The following CELF2 variants were observed in gnomAD, a reference collection of about 807,000 sequenced individuals.
CELF2 encodes the protein CUG triplet repeat RNA-binding protein 2.
In CELF2, 8 loss-of-function variants were observed where a neutral mutation model predicts 62.6. The observed-to-expected ratio is 0.13, with a 90% CI of 0.07 to 0.23. CELF2 has a LOEUF of 0.23. Among genes scored for constraint, CELF2 ranks in the 10% least tolerant of loss-of-function variants. CELF2 has a pLI of 1.00. For missense variants in CELF2, 333 were observed against 671.0 expected, an observed-to-expected ratio of 0.50 and a Z score of 5.56; for synonymous variants, 258 against 250.0, an observed-to-expected ratio of 1.03 and a Z score of -0.30.
the CELF2 span, among the ~76,000 whole-genome samples, chr10:10,698,701 A>G: frequency 6.6e-6 from 1 of 152,214 alleles, no homozygotes; most frequent in Non-Finnish European, 1.5e-5. Flanking sequence ...GTCAGCAATG[A>G]AAGACTTCTC....
chr10:10,588,667 A>G, the CELF2 span, among the ~76,000 whole-genome samples: 1 of 152,244 alleles, frequency 6.6e-6, no homozygotes, highest in Non-Finnish European at 1.5e-5. Context: ...TTCAAATGGC[A>G]TTAAAGAAGT....
At chr10:10,695,873 C>G in the CELF2 span, among the ~76,000 whole-genome samples, 2 of 151,710 alleles carry the variant, frequency 1.3e-5, no homozygotes, top group African/African-American at 2.4e-5. Flanking sequence ...CCTTTAAGCA[C>G]TTCTCTGTAT....
In CELF2 at chr10:11,285,763, A is replaced by C. The variant is rs750960311; in HGVS notation, c.842-2655A>C. On this transcript the variant is annotated intron_variant, in intron 8 of 12. Coordinates refer to ENST00000633077, the MANE Select transcript of CELF2 (RefSeq NM_001326342.2). This position sits in a 1 kb window ranked among gnomAD's most constrained non-coding sequence, Gnocchi z 4.3. ...TTCAGAGCAATTTATGTAAATGTCA[A>C]ACTTGTCTGTTACCCTGTTTGTTTG... 6.6e-6 allele frequency among the ~76,000 whole-genome samples: 1 copy of C among 151,956 alleles called. No homozygotes were observed. The highest frequency in any genetic ancestry group is 2.1e-4 in the South Asian group (1 of 4,820).
chr10:10,576,720 C>A, the CELF2 span, among the ~76,000 whole-genome samples: 1 of 152,208 alleles, frequency 6.6e-6, no homozygotes, highest in Non-Finnish European at 1.5e-5. Context: ...CTGCCTCCCC[C>A]AATTCTATCC....
At position 11,334,138 on chromosome 10, in the gene CELF2, T is replaced by C. The variant is rs550717615; in HGVS notation, c.*5085T>C. 3.9e-5 allele frequency: 6 copies of C among 152,666 alleles called. No homozygotes were observed. The highest frequency in any genetic ancestry group is 8.8e-5 in the Non-Finnish European group (6 of 68,036). The allele number at this position is 152,666 out of a possible 1,614,324, so 9.5% of individuals were successfully genotyped here. On this transcript the variant is annotated 3_prime_UTR_variant, in exon 13 of 13. Transcript: ENST00000633077. ...ATTGTGCAGTTACACAATAAGGTAA[T>C]TAGATTTAGAAGTACTCAGTCACTT...
chr10:11,003,303 T>A (rs2137045781), upstream of CELF2, among the ~76,000 whole-genome samples: 1 of 152,352 alleles, frequency 6.6e-6, no homozygotes, highest in South Asian at 2.1e-4. This position sits in a 1 kb window ranked among gnomAD's most constrained non-coding sequence, Gnocchi z 4.4. Context: ...CCCCATATAC[T>A]ACAACATGGG....
the CELF2 span, among the ~76,000 whole-genome samples, chr10:10,767,974 C>A: frequency 5.4e-5 from 5 of 92,496 alleles, no homozygotes; most frequent in Non-Finnish European, 9.5e-5. Context: ...CCAGCCTGGG[C>A]GACAGAGCGA....
chr10:11,053,612 CTTTTTTTTTTT>C (rs35886208), intron 1 of CELF2, among the ~76,000 whole-genome samples: 2 of 122,432 alleles, frequency 1.6e-5, no homozygotes, highest in African/African-American at 6.0e-5. Flanking sequence ...TCTGATATTT[CTTTTTTTTTTT>C]TTTTTTTTTG....
intron 2 of CELF2, among the ~76,000 whole-genome samples, chr10:10,949,340 G>A (rs1222989221): frequency 6.6e-6 from 1 of 152,050 alleles, no homozygotes; most frequent in Non-Finnish European, 1.5e-5. Context: ...AGCTTCCAGT[G>A]GGGCTGTGCC....
intron 8 of CELF2, among the ~76,000 whole-genome samples, chr10:11,283,149 C>A (rs1222901158): frequency 1.3e-5 from 2 of 152,208 alleles, no homozygotes; most frequent in Non-Finnish European, 1.5e-5. Context: ...AGGAGAGGGA[C>A]AGGCTGGAAG....
At chr10:11,077,173 C>G (rs936736367) in intron 1 of CELF2, among the ~76,000 whole-genome samples, 1 of 152,170 alleles carries the variant, frequency 6.6e-6, no homozygotes, top group Non-Finnish European at 1.5e-5. Flanking sequence ...CGAGGGTTAT[C>G]ATTATAAATA....
rs781401147 is a variant in CELF2 at position 11,305,747 on chromosome 10, C to A, written c.977-8392C>A. ...CTAGCACAGCTCTAAGGAGAAGGAA[C>A]CCATCCCGTCCCCTCAGTTGGGATT... On this transcript the variant is annotated intron_variant, in intron 9 of 12. Coordinates refer to ENST00000633077, the MANE Select transcript of CELF2 (RefSeq NM_001326342.2). The surrounding 1 kb of genome is among the most constrained non-coding windows in gnomAD (Gnocchi z 4.8). Among the ~76,000 whole-genome samples the A allele has an allele frequency of 6.6e-6, 1 of 152,232 alleles. No homozygotes were observed. The highest frequency in any genetic ancestry group is 1.9e-4 in the East Asian group (1 of 5,198).
At chr10:10,845,324 A>C (rs1334283391) in intron 1 of CELF2, among the ~76,000 whole-genome samples, 2 of 141,680 alleles carry the variant, frequency 1.4e-5, no homozygotes, top group East Asian at 4.2e-4. Context: ...CCTTCAGTTC[A>C]TTGCTCCAAA....
At chr10:10,601,296 C>T in the CELF2 span, among the ~76,000 whole-genome samples, 25 of 152,256 alleles carry the variant, frequency 1.6e-4, no homozygotes, top group African/African-American at 5.8e-4. Flanking sequence ...CACTTAAAGT[C>T]ATTGTTGCAG....
intron 1 of CELF2, among the ~76,000 whole-genome samples, chr10:10,885,680 C>T (rs140743262): frequency 6.6e-6 from 1 of 152,184 alleles, no homozygotes; most frequent in Non-Finnish European, 1.5e-5. Flanking sequence ...CAATGTAAAT[C>T]TATTATCTTA....
At chr10:10,522,207 T>G in the CELF2 span, among the ~76,000 whole-genome samples, 1 of 152,344 alleles carries the variant, frequency 6.6e-6, no homozygotes, top group East Asian at 1.9e-4. Flanking sequence ...CTTCGAAGTA[T>G]TCTATGGAGT....
intron 2 of CELF2, among the ~76,000 whole-genome samples, chr10:11,216,696 G>A (rs974279720): frequency 4.6e-5 from 7 of 152,192 alleles, no homozygotes; most frequent in Admixed American, 1.3e-4. Context: ...GCTGGCCTGC[G>A]CGGAAGGGCC....
intron 9 of CELF2, among the ~76,000 whole-genome samples, chr10:11,294,360 T>G (rs1438200632): frequency 1.3e-5 from 2 of 152,148 alleles, no homozygotes; most frequent in African/African-American, 4.8e-5. Context: ...CATTTTGCTT[T>G]TTAGAGTATT....
Position 10,851,566 on chromosome 10 carries a change from C to T in CELF2, c.53+52749C>T, listed in dbSNP as rs1044574306. Among the ~76,000 whole-genome samples, 7 of 152,066 alleles carry T rather than the reference C, an allele frequency of 4.6e-5. No individual in the cohort carries two copies. In the East Asian group the frequency reaches 9.6e-4, roughly 21 times the overall value. ...TTAGATATGAAGCTAATACTGTGAT[C>T]CAAAAGTTGATAAATTGGACCTCAT... On this transcript the variant is annotated intron_variant, in intron 1 of 13. Transcript: ENST00000636488.
Sources: gnomAD v4.1 joint callset for allele counts (sites outside exome capture counted in the v4.1 genomes callset) on GRCh38, gnomAD v4.1.1 for gene constraint, Gnocchi (gnomAD v3.1) non-coding constraint, MANE v1.5 for transcripts, NCBI Gene and HGNC (gene_info 2026-07-23, HGNC 2026-07-21) for gene names.